BTNL3: variants seen among roughly 807,000 people sequenced by gnomAD.
BTNL3 encodes butyrophilin like 3, also known as butyrophilin-like protein 3.
Under a neutral mutation model 40.1 loss-of-function variants are expected in BTNL3, and 20 were observed. The observed-to-expected ratio is 0.50, with a 90% CI of 0.35 to 0.72. The LOEUF is 0.72. Among genes scored for constraint, BTNL3 ranks in the 30% least tolerant of loss-of-function variants. The pLI is 0.01. For synonymous variants in BTNL3, 179 were observed against 222.1 expected (o/e 0.81, Z 1.73); for missense variants, 449 against 582.2 (o/e 0.77, Z 2.35).
At chr5:180,989,780 G>A (rs1163519883) in intron 1 of BTNL3, among the ~76,000 whole-genome samples, 2 of 136,706 alleles carry the variant, frequency 1.5e-5, no homozygotes, top group African/African-American at 5.0e-5. Context: ...TTCACTTTCT[G>A]TCTGGAACAG....
At chr5:180,990,716 T>A (rs1490312020) in intron 1 of BTNL3, among the ~76,000 whole-genome samples, 1 of 137,796 alleles carries the variant, frequency 7.3e-6, no homozygotes, top group Non-Finnish European at 1.7e-5. Flanking sequence ...TCCCAAAAGC[T>A]GATCTAGAGC....
In BTNL3 at chr5:180,990,927, A is replaced by G. The variant is rs1759960749; in HGVS notation, c.49+1850A>G. On this transcript the variant is annotated intron_variant, in intron 1 of 7. Transcript: ENST00000342868. ...ATGGCTCAGGATCTTCCCAACATCC[A>G]CTGCTTCCTGTTCCCCACTGGGTGA... is the stretch of plus-strand genomic sequence containing the variant. Among the ~76,000 whole-genome samples the G allele has an allele frequency of 1.5e-5, 2 of 137,208 alleles. 1 individual carries two copies. Among genetic ancestry groups the G allele is most frequent in the Admixed American group, 1.5e-4 (2 of 13,092 alleles). The allele number at this position is 137,208 out of a possible 152,430, so 90.0% of individuals were successfully genotyped here.
rs1401240666 is a variant in BTNL3, at chr5:180,988,909, G to A, written c.-120G>A. ...AGGGAGAAATGCACAGTTTGACATC[G>A]TTCATGAAGAGCCTCTCCACGGCTC... On this transcript the variant is annotated 5_prime_UTR_variant, in exon 1 of 8. Coordinates refer to ENST00000342868, the MANE Select transcript of BTNL3 (RefSeq NM_197975.3). 17 of 1,142,070 alleles carry A rather than the reference G, an allele frequency of 1.5e-5. 3 individuals carry two copies. Among genetic ancestry groups the A allele is most frequent in the Admixed American group, 1.2e-4 (4 of 33,740 alleles). 70.7% of individuals were successfully genotyped at this position (1,142,070 alleles called of 1,614,324 possible).
At chr5:180,990,115 G>A (rs1430068936) in intron 1 of BTNL3, among the ~76,000 whole-genome samples, 2 of 136,864 alleles carry the variant, frequency 1.5e-5, no homozygotes, top group Admixed American at 7.7e-5. Context: ...TGCCAAGATC[G>A]TGCCACTGCA....
chr5:180,996,435 C>T (rs1760035346), intron 2 of BTNL3, among the ~76,000 whole-genome samples: 1 of 136,362 alleles, frequency 7.3e-6, no homozygotes, highest in South Asian at 2.2e-4. Flanking sequence ...CCATAACTCC[C>T]ACCTGCTGGA....
chr5:180,997,860 C>T (rs893207982), intron 3 of BTNL3, among the ~76,000 whole-genome samples: 1 of 136,664 alleles, frequency 7.3e-6, no homozygotes. Context: ...TAGAAAATTT[C>T]AGAAAGGATT....
chr5:180,990,720 C>G lies in BTNL3; in HGVS notation c.49+1643C>G. ...GACAGGCTGGGTCCCAAAAGCTGATCTAGAGCAAGGGCCTTTCTGCAGGTG... is the reference window on the plus strand; with the variant it reads ...GACAGGCTGGGTCCCAAAAGCTGATGTAGAGCAAGGGCCTTTCTGCAGGTG... On this transcript the variant is annotated intron_variant, in intron 1 of 7. Coordinates refer to ENST00000342868, the MANE Select transcript of BTNL3 (RefSeq NM_197975.3). Among the ~76,000 whole-genome samples, 2 of 137,908 alleles carry G rather than the reference C, an allele frequency of 1.5e-5. 1 individual carries two copies. The highest frequency in any genetic ancestry group is 3.3e-5 in the Non-Finnish European group (2 of 60,072). The allele number at this position is 137,908 out of a possible 152,430, so 90.5% of individuals were successfully genotyped here. A position where few individuals can be genotyped will look rare whatever the true frequency, so the allele number is the denominator to read the frequency against.
rs1182098423 is a variant in BTNL3, at chr5:180,991,923, GA to G, written c.50-882del. On this transcript the variant is annotated intron_variant, in intron 1 of 7. Coordinates refer to ENST00000342868, the MANE Select transcript of BTNL3 (RefSeq NM_197975.3). ...CTAACACTAACGATAACTAATGAATGAAAAAAAATCACAAAAAATCTTATAA... is the reference window on the plus strand; with the variant it reads ...CTAACACTAACGATAACTAATGAATGAAAAAAATCACAAAAAATCTTATAA... Among the ~76,000 whole-genome samples, 3 of 136,094 alleles carry G rather than the reference GA, an allele frequency of 2.2e-5. 1 individual carries two copies. Among genetic ancestry groups the G allele is most frequent in the Non-Finnish European group, 5.0e-5 (3 of 59,568 alleles). The allele number at this position is 136,094 out of a possible 152,430, so 89.3% of individuals were successfully genotyped here. A position where few individuals can be genotyped will look rare whatever the true frequency, so the allele number is the denominator to read the frequency against.
chr5:181,004,539 G>A (rs1760182725), intron 6 of BTNL3, 96 bp downstream of exon 6: 2 of 1,099,202 alleles, frequency 1.8e-6, no homozygotes, highest in South Asian at 1.6e-5. Context: ...TCCCTGCAGA[G>A]CCAAGCTTGT....
chr5:181,004,144 T>C (rs998607766), intron 5 of BTNL3, among the ~76,000 whole-genome samples: 1 of 151,584 alleles, frequency 6.6e-6, no homozygotes, highest in African/African-American at 2.4e-5. Flanking sequence ...TGGGGGGAGG[T>C]GTTGATCATG....
intron 2 of BTNL3, among the ~76,000 whole-genome samples, chr5:180,993,555 C>A (rs1170062355): frequency 1.5e-5 from 2 of 136,316 alleles, no homozygotes; most frequent in African/African-American, 5.0e-5. Context: ...TTTAGTATAA[C>A]ATTTTGTAGT....
chr5:181,002,716 C>T lies in BTNL3; in HGVS notation c.718C>T (p.Leu240Phe). 6.9e-7 allele frequency: 1 copy of T among 1,455,180 alleles called. No individual in the cohort carries two copies. Among genetic ancestry groups the T allele is most frequent in the Non-Finnish European group, 9.5e-7 (1 of 1,054,976 alleles). 90.1% of individuals were successfully genotyped at this position (1,455,180 alleles called of 1,614,324 possible). A position where few individuals can be genotyped will look rare whatever the true frequency, so the allele number is the denominator to read the frequency against. ...ACCTTGGCGCCTGGCTTCTATTTTA[C>T]TCGGGTTACTCTGTGGTGCCCTGTG... ...PSPWRLASILLGLLCGALCGV... is the reference protein window; with the variant it reads ...PSPWRLASILFGLLCGALCGV... Residue 240 changes from leucine to phenylalanine, a missense_variant, in exon 4 of 8, where the codon CTC becomes TTC. Transcript: ENST00000342868.
In BTNL3 at chr5:180,992,834, C is replaced by A. The variant is rs777131989; in HGVS notation, c.71C>A (p.Pro24Gln). 4.1e-6 allele frequency: 6 copies of A among 1,463,064 alleles called. No homozygotes were observed. In the South Asian group the frequency reaches 4.5e-5, roughly 11 times the overall value. 90.6% of individuals were successfully genotyped at this position (1,463,064 alleles called of 1,614,324 possible). Residue 24 changes from proline (P) to glutamine (Q), a missense_variant, in exon 2 of 8, where the codon CCG becomes CAG. Pro to Gln is a moderately conservative substitution (Grantham distance 76). Transcript: ENST00000342868. The stretch of plus-strand genomic sequence containing the variant: ...ATAGGACAGTGGCAAGTCACTGGAC[C>A]GGGCAAGTTTGTCCAGGCCTTGGTG... ...LVSGQWQVTGPGKFVQALVGE... is the reference protein window; with the variant it reads ...LVSGQWQVTGQGKFVQALVGE...
chr5:180,992,564 C>T (rs1347460956), intron 1 of BTNL3, among the ~76,000 whole-genome samples: 1 of 137,058 alleles, frequency 7.3e-6, no homozygotes, highest in Non-Finnish European at 1.7e-5. Flanking sequence ...AGGGTTTCCT[C>T]ATGTTGAATG....
rs199603746 is a variant in BTNL3, at chr5:181,005,566, G to A, written c.1095G>A (p.Gly365=). The change falls in exon 8 of 8, where the codon GGG becomes GGA. Residue 365 remains glycine, a synonymous_variant. Transcript: ENST00000342868. ...TGTGTCGGGATGACGTAGACAGGGG[G>A]AAGAACAATGTGACTTTGTCTCCCA... ...VGVCRDDVDR[G]KNNVTLSPNN... 60 of 1,614,046 alleles carry A rather than the reference G, an allele frequency of 3.7e-5. No homozygotes were observed. In the East Asian group the frequency reaches 1.3e-3, roughly 36 times the overall value.
At position 181,005,515 on chromosome 5, in the gene BTNL3, A is replaced by G; in HGVS notation, c.1044A>G (p.Gly348=). ...AACATTACTGGGAGGTGGACGTGGG[A>G]CAAAATGTAGGGTGGTATGTGGGAG... ...AGKHYWEVDV[G]QNVGWYVGVC... The change falls in exon 8 of 8, where the codon GGA becomes GGG. Residue 348 remains glycine, a synonymous_variant. Coordinates refer to ENST00000342868, the MANE Select transcript of BTNL3 (RefSeq NM_197975.3). 1 of 1,614,158 alleles carries G rather than the reference A, an allele frequency of 6.2e-7. No homozygotes were observed. The highest frequency in any genetic ancestry group is 8.5e-7 in the Non-Finnish European group (1 of 1,180,034).
At chr5:180,993,936 G>A (rs774116659) in intron 2 of BTNL3, among the ~76,000 whole-genome samples, 3 of 136,626 alleles carry the variant, frequency 2.2e-5, no homozygotes, top group African/African-American at 5.0e-5. Context: ...GAGTAGCTCA[G>A]ATTACAGGCA....
chr5:181,004,553 G>A (rs1481233880), intron 6 of BTNL3, 110 bp downstream of exon 6: 1 of 1,283,548 alleles, frequency 7.8e-7, no homozygotes, highest in Non-Finnish European at 1.1e-6. Flanking sequence ...AGCTTGTGAT[G>A]GGAACTCTGA....
At chr5:180,990,913 T>G (rs2113074163) in intron 1 of BTNL3, among the ~76,000 whole-genome samples, 1 of 137,170 alleles carries the variant, frequency 7.3e-6, no homozygotes, top group Non-Finnish European at 1.7e-5. Context: ...TGGCTCAGGA[T>G]CTTCCCAACA....
Sources: gnomAD v4.1 joint callset for allele counts (sites outside exome capture counted in the v4.1 genomes callset) on GRCh38, gnomAD v4.1.1 for gene constraint, MANE v1.5 for transcripts, NCBI Gene and HGNC (gene_info 2026-07-23, HGNC 2026-07-21) for gene names.